The following CDH8 variants were observed in gnomAD, a reference collection of about 807,000 sequenced individuals.
CDH8 encodes cadherin 8, also known as cadherin-8.
A neutral mutation model predicts 68.1 loss-of-function variants in CDH8; 17 were observed. The observed-to-expected ratio is 0.25, with a 90% CI of 0.17 to 0.37. The LOEUF (loss-of-function observed/expected upper bound fraction) is 0.37. Among genes scored for constraint, CDH8 ranks in the 10% least tolerant of loss-of-function variants. The pLI, the probability that CDH8 is intolerant of heterozygous loss-of-function variation, is 1.00. For synonymous variants in CDH8, 372 were observed against 365.1 expected, an observed-to-expected ratio of 1.02 and a Z score of -0.21; for missense variants, 763 against 999.3, an observed-to-expected ratio of 0.76 and a Z score of 3.19.
intron 2 of CDH8, among the ~76,000 whole-genome samples, chr16:61,994,120 T>G (rs746987329): frequency 6.6e-6 from 1 of 152,184 alleles, no homozygotes; most frequent in Non-Finnish European, 1.5e-5. Context: ...GTCTCCATAG[T>G]ATTACATGTT....
At chr16:61,685,143 T>C (rs1300153470) in intron 10 of CDH8, among the ~76,000 whole-genome samples, 1 of 150,904 alleles carries the variant, frequency 6.6e-6, no homozygotes, top group African/African-American at 2.4e-5. Flanking sequence ...TAGAGAGAAG[T>C]TGGGAGAAAA....
chr16:61,837,061 G>T (rs1367105903), intron 4 of CDH8, among the ~76,000 whole-genome samples: 3 of 151,830 alleles, frequency 2.0e-5, no homozygotes, highest in African/African-American at 7.2e-5. Flanking sequence ...TTCTTCTTTG[G>T]GGGTGCAGGC....
intron 9 of CDH8, among the ~76,000 whole-genome samples, chr16:61,722,330 T>A (rs993359333): frequency 2.0e-5 from 3 of 150,964 alleles, no homozygotes; most frequent in East Asian, 1.9e-4. Context: ...ATAAAGTAGA[T>A]CCCTGAGTTT....
rs188285387 is a variant in CDH8, at chr16:61,962,786, T to C, written c.252+58366A>G. On this transcript the variant is annotated intron_variant, in intron 2 of 11. Coordinates refer to ENST00000577390, the MANE Select transcript of CDH8 (RefSeq NM_001796.5). ...CCCAACTCTGCCTGAAGCAAAAATTTATAACTTCCTCAGGTGAATGTTTTT... is the reference window on the plus strand; with the variant it reads ...CCCAACTCTGCCTGAAGCAAAAATTCATAACTTCCTCAGGTGAATGTTTTT... Among the ~76,000 whole-genome samples the C allele has an allele frequency of 9.8e-5, 15 of 152,344 alleles. No individual in the cohort carries two copies. The East Asian group carries it at 2.7e-3, about 27-fold the overall frequency.
chr16:61,978,788 G>A lies in CDH8; in HGVS notation c.252+42364C>T, dbSNP rs546219916. Among the ~76,000 whole-genome samples the A allele has an allele frequency of 2.0e-4, 30 of 152,130 alleles. No homozygotes were observed. In the South Asian group the frequency reaches 3.5e-3, roughly 18 times the overall value. ...CCCCTCTTTAGCAGCACCTACAAAC[G>A]GCTACTTACAGTTGATTTTCCTTTT... On this transcript the variant is annotated intron_variant, in intron 2 of 11. Transcript: ENST00000577390.
intron 8 of CDH8, among the ~76,000 whole-genome samples, chr16:61,781,398 G>T (rs561316899): frequency 2.0e-5 from 3 of 151,992 alleles, no homozygotes; most frequent in Non-Finnish European, 4.4e-5. Context: ...TTAAAGACTA[G>T]CCTGGGCAAC....
rs181359213 is a variant in CDH8, at chr16:62,016,990, T to C, written c.252+4162A>G. 5.9e-5 allele frequency among the ~76,000 whole-genome samples: 9 copies of C among 152,358 alleles called. No individual in the cohort carries two copies. In the East Asian group the frequency reaches 1.7e-3, roughly 29 times the overall value. Reference sequence around the variant, plus strand: ...TCAATACATAAAAAAAATTGTTAACTACCCAGGTGGTCTATAAAATACTCA... The same window carrying C: ...TCAATACATAAAAAAAATTGTTAACCACCCAGGTGGTCTATAAAATACTCA... On this transcript the variant is annotated intron_variant, in intron 2 of 11. Transcript: ENST00000577390.
intron 2 of CDH8, among the ~76,000 whole-genome samples, chr16:62,010,865 C>T (rs368902060): frequency 5.9e-5 from 9 of 152,064 alleles, no homozygotes; most frequent in African/African-American, 2.2e-4. Flanking sequence ...TGCGCTTGAA[C>T]CCGGGAGGTG....
At chr16:61,736,305 G>A (rs1277146174) in intron 8 of CDH8, among the ~76,000 whole-genome samples, 1 of 152,152 alleles carries the variant, frequency 6.6e-6, no homozygotes, top group Non-Finnish European at 1.5e-5. Context: ...GATATTAGGA[G>A]AGAAATTGGG....
chr16:61,871,236 C>T (rs1373948891), intron 3 of CDH8, among the ~76,000 whole-genome samples: 2 of 151,786 alleles, frequency 1.3e-5, no homozygotes, highest in African/African-American at 2.4e-5. Flanking sequence ...AACTGAGTGC[C>T]GTGGTACCAT....
chr16:61,709,886 T>C (rs2142863377), intron 10 of CDH8, among the ~76,000 whole-genome samples: 1 of 152,304 alleles, frequency 6.6e-6, no homozygotes, highest in East Asian at 1.9e-4. Flanking sequence ...TACATTGCAG[T>C]TACTGTATAA....
intron 8 of CDH8, among the ~76,000 whole-genome samples, chr16:61,775,772 A>G (rs1294840078): frequency 2.6e-5 from 4 of 152,088 alleles, no homozygotes; most frequent in Admixed American, 1.3e-4. Flanking sequence ...CATATAAGCC[A>G]TCAGCTTATA....
chr16:61,917,926 T>TC (rs34882703), intron 2 of CDH8, among the ~76,000 whole-genome samples: 20,379 of 151,230 alleles, frequency 0.13, 1,902 homozygotes, highest in East Asian at 0.29. Context: ...CCTGGCGATC[T>TC]CTAAGACTCT....
intron 2 of CDH8, among the ~76,000 whole-genome samples, chr16:61,956,724 C>G (rs551061268): frequency 7.9e-5 from 12 of 151,854 alleles, no homozygotes; most frequent in Non-Finnish European, 1.8e-4. Context: ...AGGTAAAATG[C>G]TCAATTCTGT....
chr16:61,826,571 G>A (rs1189458292), intron 4 of CDH8, among the ~76,000 whole-genome samples: 4 of 151,656 alleles, frequency 2.6e-5, no homozygotes, highest in African/African-American at 7.2e-5. Context: ...TCTAACCCAG[G>A]GGCACCATAC....
chr16:62,011,702 G>A (rs1455134115), intron 2 of CDH8, among the ~76,000 whole-genome samples: 1 of 152,142 alleles, frequency 6.6e-6, no homozygotes, highest in Non-Finnish European at 1.5e-5. Flanking sequence ...AATAAGTCCA[G>A]GTGTACAGAT....
intron 4 of CDH8, among the ~76,000 whole-genome samples, chr16:61,845,762 T>G (rs1962794166): frequency 6.6e-6 from 1 of 152,120 alleles, no homozygotes; most frequent in Non-Finnish European, 1.5e-5. Flanking sequence ...TCCTTTGTTT[T>G]ATTTATATAG....
chr16:62,012,952 C>A (rs1901848217), intron 2 of CDH8, among the ~76,000 whole-genome samples: 1 of 152,030 alleles, frequency 6.6e-6, no homozygotes. Context: ...GATTTGCATT[C>A]TCTTTAAATT....
chr16:61,919,318 T>G lies in CDH8; in HGVS notation c.253-17845A>C, dbSNP rs532592845. Among the ~76,000 whole-genome samples the G allele has an allele frequency of 1.5e-4, 23 of 148,392 alleles. 2 individuals carry two copies. The South Asian group carries it at 5.0e-3, about 32-fold the overall frequency. ...CAACGGAACAAAGCTGGACGGAGAA[T>G]GACTTTGACAAGCTGAGAGAAGAAG... is the stretch of plus-strand genomic sequence containing the variant. On this transcript the variant is annotated intron_variant, in intron 2 of 11. Transcript: ENST00000577390.
Sources: gnomAD v4.1 joint callset for allele counts (sites outside exome capture counted in the v4.1 genomes callset) on GRCh38, gnomAD v4.1.1 for gene constraint, MANE v1.5 for transcripts, NCBI Gene and HGNC (gene_info 2026-07-23, HGNC 2026-07-21) for gene names.